CDK19: variants seen among roughly 807,000 people sequenced by gnomAD.
CDK19 encodes the protein cyclin dependent kinase 19.
CDK19 carries 20 observed loss-of-function variants against 68.3 expected under a neutral mutation model. The observed-to-expected ratio is 0.29, with a 90% CI of 0.21 to 0.43. The LOEUF (loss-of-function observed/expected upper bound fraction) is 0.43. CDK19 is among the 20% of genes least tolerant of loss of function. The pLI is 1.00. For missense variants in CDK19, 339 were observed against 623.5 expected (o/e 0.54, Z 4.86); for synonymous variants, 221 against 222.8 (o/e 0.99, Z 0.07).
intron 1 of CDK19, chr6:110,813,327 A>G (rs957705964): frequency 6.6e-6 from 1 of 152,174 alleles, no homozygotes; most frequent in African/African-American, 2.4e-5. Flanking sequence ...AACAAAAAAA[A>G]CACTAAGATA....
At chr6:110,813,049 T>G (rs955418873) in intron 1 of CDK19, 10 of 151,406 alleles carry the variant, frequency 6.6e-5, no homozygotes, top group Admixed American at 1.3e-4. Flanking sequence ...CTGAGAGGTT[T>G]TTTTTTTTTT....
chr6:110,759,426 A>ATACATATATATATATATATATATAT, intron 1 of CDK19, among the ~76,000 whole-genome samples: 1 of 92,700 alleles, frequency 1.1e-5, no homozygotes, highest in Non-Finnish European at 2.1e-5. Flanking sequence ...AAAAAAAAAA[A>ATACATATATATATATATATATATAT]AAATATATAT....
chr6:110,717,999 CA>C (rs1410578858), intron 2 of CDK19, among the ~76,000 whole-genome samples: 1 of 152,144 alleles, frequency 6.6e-6, no homozygotes, highest in African/African-American at 2.4e-5. Flanking sequence ...CTTTGTAAAG[CA>C]GGCCTAAAGG....
At chr6:110,731,247 A>G (rs2114797298) in intron 2 of CDK19, among the ~76,000 whole-genome samples, 1 of 152,344 alleles carries the variant, frequency 6.6e-6, no homozygotes, top group East Asian at 1.9e-4. Flanking sequence ...GGTGATACGT[A>G]GGGCCATAAA....
intron 4 of CDK19, among the ~76,000 whole-genome samples, chr6:110,653,601 G>A (rs1248219890): frequency 3.3e-5 from 5 of 152,158 alleles, no homozygotes; most frequent in Admixed American, 2.6e-4. Context: ...GCAAGAGTTG[G>A]ATGCCTCACA....
intron 6 of CDK19, among the ~76,000 whole-genome samples, chr6:110,629,398 C>T (rs1023191318): frequency 6.6e-6 from 1 of 152,164 alleles, no homozygotes; most frequent in Non-Finnish European, 1.5e-5. Context: ...ACTGCCACTC[C>T]CCTCCCCAAC....
At chr6:110,773,063 A>G (rs1290779427) in intron 1 of CDK19, among the ~76,000 whole-genome samples, 1 of 151,830 alleles carries the variant, frequency 6.6e-6, no homozygotes, top group East Asian at 1.9e-4. Flanking sequence ...AAAAAAAAAA[A>G]AAAAGGTCTC....
intron 2 of CDK19, among the ~76,000 whole-genome samples, chr6:110,714,324 C>A (rs1191322847): frequency 6.6e-6 from 1 of 152,146 alleles, no homozygotes; most frequent in African/African-American, 2.4e-5. Context: ...CTGATGGATA[C>A]GACAGTTATT....
intron 1 of CDK19, among the ~76,000 whole-genome samples, chr6:110,778,495 C>G (rs1359060910): frequency 6.6e-6 from 1 of 152,200 alleles, no homozygotes; most frequent in Non-Finnish European, 1.5e-5. Flanking sequence ...GGTTTCCCAG[C>G]AGAATGGCTT....
intron 1 of CDK19, chr6:110,814,449 G>C (rs908634461): frequency 8.3e-6 from 3 of 360,982 alleles, no homozygotes; most frequent in Non-Finnish European, 1.6e-5. Flanking sequence ...CCAACGGGCC[G>C]GCCAGCCCGA....
At chr6:110,624,501 G>A (rs1202045499) in intron 8 of CDK19, among the ~76,000 whole-genome samples, 1 of 152,098 alleles carries the variant, frequency 6.6e-6, no homozygotes, top group Non-Finnish European at 1.5e-5. Context: ...AAGCCACTCA[G>A]TGACAAAAAA....
At chr6:110,768,626 A>G (rs891318133) in intron 1 of CDK19, among the ~76,000 whole-genome samples, 2 of 152,066 alleles carry the variant, frequency 1.3e-5, no homozygotes, top group African/African-American at 4.8e-5. Context: ...GCAAGAAGCC[A>G]ACCTGAAAAA....
At chr6:110,674,149 C>T (rs1263035275) in intron 2 of CDK19, among the ~76,000 whole-genome samples, 1 of 152,162 alleles carries the variant, frequency 6.6e-6, no homozygotes, top group African/African-American at 2.4e-5. Context: ...TGTTTTGAAG[C>T]ATCACAAATT....
intron 4 of CDK19, among the ~76,000 whole-genome samples, chr6:110,644,402 G>A (rs761825333): frequency 3.3e-5 from 5 of 152,044 alleles, no homozygotes; most frequent in Non-Finnish European, 7.4e-5. Flanking sequence ...AAGTGGGGCT[G>A]TAATGGGCAC....
chr6:110,718,923 T>G (rs761016381), intron 2 of CDK19, among the ~76,000 whole-genome samples: 1 of 151,896 alleles, frequency 6.6e-6, no homozygotes, highest in African/African-American at 2.4e-5. Flanking sequence ...GCTAAAATAA[T>G]AGAAAGAAAT....
chr6:110,776,063 C>G (rs953255224), intron 1 of CDK19, among the ~76,000 whole-genome samples: 11 of 152,164 alleles, frequency 7.2e-5, no homozygotes, highest in South Asian at 2.1e-4. Flanking sequence ...TCACAGAGTG[C>G]TATTTTATGC....
At chr6:110,814,914 G>A (rs1392549219) in intron 1 of CDK19, 95 bp downstream of exon 1, 2 of 1,547,036 alleles carry the variant, frequency 1.3e-6, no homozygotes, top group Non-Finnish European at 8.8e-7. Flanking sequence ...TCGCCCCTCG[G>A]GCACGGCCCG....
At chr6:110,772,764 G>A (rs915586383) in intron 1 of CDK19, among the ~76,000 whole-genome samples, 1 of 151,698 alleles carries the variant, frequency 6.6e-6, no homozygotes, top group East Asian at 1.9e-4. Context: ...GTGGTGGCGT[G>A]AGCCTGTGGT....
At chr6:110,725,762 T>C (rs111387320) in intron 2 of CDK19, among the ~76,000 whole-genome samples, 13 of 152,352 alleles carry the variant, frequency 8.5e-5, no homozygotes, top group African/African-American at 3.1e-4. Flanking sequence ...AAGTTTTTTA[T>C]TTAAATTGTT....
Sources: gnomAD v4.1 joint callset for allele counts (sites outside exome capture counted in the v4.1 genomes callset) on GRCh38, gnomAD v4.1.1 for gene constraint, MANE v1.5 for transcripts, NCBI Gene and HGNC (gene_info 2026-07-23, HGNC 2026-07-21) for gene names.